The following MACROD2 variants were observed in gnomAD, a reference collection of about 807,000 sequenced individuals.
MACROD2 encodes the protein mono-ADP ribosylhydrolase 2.
In MACROD2, 36 loss-of-function variants were observed where a neutral mutation model predicts 70.4. The observed-to-expected ratio is 0.51, with a 90% CI of 0.39 to 0.68. MACROD2 has a LOEUF of 0.68. MACROD2 is among the 30% of genes least tolerant of loss of function. The pLI, the probability that MACROD2 is intolerant of heterozygous loss-of-function variation, is 0.00. For synonymous variants in MACROD2, 172 were observed against 178.8 expected (o/e 0.96, Z 0.30); for missense variants, 496 against 538.4 (o/e 0.92, Z 0.78).
rs74453928 is a variant in MACROD2, at chr20:15,462,299, G to A, written c.571+30864G>A. On this transcript the variant is annotated intron_variant, in intron 7 of 17. Transcript: ENST00000684519. ...ATACACATTCATAGATATTTTACCCGTGCCGTTGAGATAGCTAGTAATAAT... is the reference window on the plus strand; with the variant it reads ...ATACACATTCATAGATATTTTACCCATGCCGTTGAGATAGCTAGTAATAAT... Among the ~76,000 whole-genome samples, 969 of 152,252 alleles carry A rather than the reference G, an allele frequency of 6.4e-3. 14 individuals are homozygous for A. Among genetic ancestry groups the A allele is most frequent in the African/African-American group, 0.021 (888 of 41,556 alleles).
At chr20:14,342,350 C>CT (rs533602052) in intron 3 of MACROD2, among the ~76,000 whole-genome samples, 323 of 152,116 alleles carry the variant, frequency 2.1e-3, no homozygotes, top group African/African-American at 6.9e-3. Flanking sequence ...TTCTCTTTGT[C>CT]TTTTTTTTCT....
intron 6 of MACROD2, among the ~76,000 whole-genome samples, chr20:15,264,638 T>C (rs1451773998): frequency 6.6e-6 from 1 of 152,160 alleles, no homozygotes; most frequent in Non-Finnish European, 1.5e-5. Flanking sequence ...ATTCTGCGGA[T>C]AGTCTCGCAG....
chr20:15,673,781 G>GAAAA (rs33967551), intron 8 of MACROD2, among the ~76,000 whole-genome samples: 8 of 138,404 alleles, frequency 5.8e-5, no homozygotes, highest in Admixed American at 7.2e-5. Context: ...CAGTAGGGAG[G>GAAAA]AAAAAAAAAA....
intron 8 of MACROD2, among the ~76,000 whole-genome samples, chr20:15,742,511 A>G (rs2051120644): frequency 6.6e-6 from 1 of 152,226 alleles, no homozygotes. Flanking sequence ...GGGACAGCCC[A>G]TAACATAGGG....
At chr20:15,348,067 T>G (rs923040341) in intron 6 of MACROD2, among the ~76,000 whole-genome samples, 1 of 152,218 alleles carries the variant, frequency 6.6e-6, no homozygotes, top group African/African-American at 2.4e-5. Context: ...CTACATTTGA[T>G]GACACTATGT....
chr20:15,285,353 T>C (rs977857058), intron 6 of MACROD2, among the ~76,000 whole-genome samples: 17 of 152,316 alleles, frequency 1.1e-4, no homozygotes, highest in South Asian at 1.0e-3. Context: ...AGCTAGTTTT[T>C]TATCTATCTT....
At chr20:15,393,980 A>G (rs2045827454) in intron 6 of MACROD2, among the ~76,000 whole-genome samples, 1 of 152,204 alleles carries the variant, frequency 6.6e-6, no homozygotes, top group East Asian at 1.9e-4. Flanking sequence ...CCTGATAAAT[A>G]TCTTAATAGT....
chr20:15,790,646 G>A (rs1054061169), intron 8 of MACROD2, among the ~76,000 whole-genome samples: 2 of 151,836 alleles, frequency 1.3e-5, no homozygotes, highest in Non-Finnish European at 3.0e-5. Flanking sequence ...AGGAGCCCCT[G>A]CTCACAGAGA....
chr20:15,033,258 A>G (rs1157873800), intron 5 of MACROD2, among the ~76,000 whole-genome samples: 5 of 152,232 alleles, frequency 3.3e-5, no homozygotes, highest in Non-Finnish European at 7.3e-5. Context: ...TTAAAAATGC[A>G]TGTCTTCATA....
intron 4 of MACROD2, among the ~76,000 whole-genome samples, chr20:14,515,454 T>TACACACACACAC (rs771413463): frequency 4.8e-4 from 55 of 115,414 alleles, no homozygotes; most frequent in East Asian, 1.1e-3. Context: ...ATATGTGAGA[T>TACACACACACAC]ACACACACAC....
chr20:14,403,005 A>T (rs749926086), intron 3 of MACROD2, among the ~76,000 whole-genome samples: 8 of 152,122 alleles, frequency 5.3e-5, no homozygotes, highest in Non-Finnish European at 8.8e-5. Context: ...CAAAATCTAG[A>T]ACTCATATTT....
chr20:14,118,091 A>G (rs1181658717), intron 3 of MACROD2, among the ~76,000 whole-genome samples: 1 of 152,184 alleles, frequency 6.6e-6, no homozygotes, highest in Non-Finnish European at 1.5e-5. Flanking sequence ...ATATTGTTTT[A>G]AGCTGTCGAG....
chr20:14,388,105 G>A (rs768538694), intron 3 of MACROD2, among the ~76,000 whole-genome samples: 1 of 151,706 alleles, frequency 6.6e-6, no homozygotes, highest in Non-Finnish European at 1.5e-5. Flanking sequence ...CACCTCCAGG[G>A]TTCATGCCAT....
At chr20:15,288,652 T>A (rs887280839) in intron 6 of MACROD2, among the ~76,000 whole-genome samples, 8 of 152,142 alleles carry the variant, frequency 5.3e-5, no homozygotes, top group African/African-American at 1.7e-4. Context: ...TCCTTGCACA[T>A]TGGAACTCTG....
chr20:16,003,337 A>G (rs2066741470), intron 15 of MACROD2, among the ~76,000 whole-genome samples: 1 of 141,026 alleles, frequency 7.1e-6, no homozygotes, highest in Non-Finnish European at 1.6e-5. Context: ...GACTTTATGA[A>G]AGTTTGAACC....
At chr20:14,721,300 G>A (rs2071466882) in intron 5 of MACROD2, among the ~76,000 whole-genome samples, 5 of 150,680 alleles carry the variant, frequency 3.3e-5, no homozygotes, top group Admixed American at 3.3e-4. Flanking sequence ...TCTCTCAAAT[G>A]TGAAAGTCTG....
intron 8 of MACROD2, among the ~76,000 whole-genome samples, chr20:15,824,672 T>C (rs1168660262): frequency 6.6e-6 from 1 of 152,206 alleles, no homozygotes; most frequent in African/African-American, 2.4e-5. Flanking sequence ...ATTGGTATAA[T>C]ATTTTGGGGA....
intron 5 of MACROD2, among the ~76,000 whole-genome samples, chr20:14,738,503 C>G (rs2071694946): frequency 2.6e-5 from 4 of 152,062 alleles, no homozygotes. Flanking sequence ...GTTATTTTTC[C>G]CCTCATTGAA....
At chr20:15,434,777 A>G (rs2046407438) in intron 7 of MACROD2, among the ~76,000 whole-genome samples, 1 of 152,196 alleles carries the variant, frequency 6.6e-6, no homozygotes, top group African/African-American at 2.4e-5. Context: ...CTAAATGCCC[A>G]TCAACCAATG....
Sources: gnomAD v4.1 joint callset for allele counts (sites outside exome capture counted in the v4.1 genomes callset) on GRCh38, gnomAD v4.1.1 for gene constraint, MANE v1.5 for transcripts, NCBI Gene and HGNC (gene_info 2026-07-23, HGNC 2026-07-21) for gene names.